The following CCDC60 variants were observed in gnomAD, a reference collection of about 807,000 sequenced individuals.
The protein encoded by CCDC60 is coiled-coil domain containing 60.
In CCDC60, 54 loss-of-function variants were observed where a neutral mutation model predicts 63.5. That is an observed-to-expected ratio of 0.85 (90% CI 0.68 to 1.07). The LOEUF is 1.07. CCDC60 is among the 50% of genes least tolerant of loss of function. CCDC60 has a pLI of 0.00. For missense variants in CCDC60, 651 were observed against 684.3 expected (o/e 0.95, Z 0.54); for synonymous variants, 206 against 238.8 (o/e 0.86, Z 1.27).
intron 1 of CCDC60, among the ~76,000 whole-genome samples, chr12:119,360,730 G>A (rs1592990438): frequency 1.3e-5 from 2 of 151,764 alleles, no homozygotes; most frequent in South Asian, 4.2e-4. Context: ...TTCCCAGATG[G>A]GATGGCAGCC....
At chr12:119,481,224 G>A (rs1164586213) in intron 4 of CCDC60, among the ~76,000 whole-genome samples, 1 of 152,140 alleles carries the variant, frequency 6.6e-6, no homozygotes, top group Non-Finnish European at 1.5e-5. Context: ...TAATATTCCA[G>A]CTGGCAGCCT....
chr12:119,358,427 C>T (rs1955740223), intron 1 of CCDC60, among the ~76,000 whole-genome samples: 1 of 152,132 alleles, frequency 6.6e-6, no homozygotes, highest in Non-Finnish European at 1.5e-5. Context: ...AGAAGGTTCC[C>T]ACAAGATGCC....
intron 2 of CCDC60, among the ~76,000 whole-genome samples, chr12:119,432,938 G>C (rs947845422): frequency 6.6e-6 from 1 of 152,132 alleles, no homozygotes; most frequent in Non-Finnish European, 1.5e-5. Flanking sequence ...TATACAGTTT[G>C]CTAATCTCTA....
At chr12:119,426,139 A>G (rs945273397) in intron 1 of CCDC60, among the ~76,000 whole-genome samples, 1 of 152,124 alleles carries the variant, frequency 6.6e-6, no homozygotes, top group Non-Finnish European at 1.5e-5. Context: ...TCTGCCATCA[A>G]TTTCCAGCCA....
chr12:119,338,899 C>G (rs1235492646), intron 1 of CCDC60, among the ~76,000 whole-genome samples: 1 of 152,162 alleles, frequency 6.6e-6, no homozygotes, highest in Non-Finnish European at 1.5e-5. Flanking sequence ...GGTCTCGAAG[C>G]CCTCTGAACT....
At chr12:119,530,781 C>A in intron 12 of CCDC60, 93 bp from the exon 13 acceptor site, 1 of 1,069,454 alleles carries the variant, frequency 9.4e-7, no homozygotes, top group Non-Finnish European at 1.4e-6. Flanking sequence ...GGAGACATCA[C>A]AGAGAGCAGA....
rs772383306 is a variant in CCDC60 at position 119,428,750 on chromosome 12, T to G, written c.158T>G (p.Leu53Arg). The G allele has an allele frequency of 1.3e-6, 2 of 1,598,520 alleles. No individual in the cohort carries two copies. Among genetic ancestry groups the G allele is most frequent in the Non-Finnish European group, 1.7e-6 (2 of 1,169,794 alleles). ...GAAATAATAAACCTCAAAAAGGACC[T>G]TATACGAAGCCGGTGAGTGAGCCCA... ...DKEIINLKKD[L>R]IRSRFLIQSV... Residue 53 changes from leucine (L) to arginine (R), a missense_variant, in exon 2 of 14, where the codon CTT (leucine) becomes CGT (arginine). Leu to Arg is a moderately radical substitution (Grantham distance 102). Transcript: ENST00000327554.
Position 119,504,998 on chromosome 12 carries a change from C to T in CCDC60, c.649-71C>T, listed in dbSNP as rs899936630. The stretch of plus-strand genomic sequence containing the variant: ...CTGTCCCTCCCCACCTTCCTCCTTC[C>T]CTCCTTTCTTTCTTTCTTCCATCTT... On this transcript the variant is annotated intron_variant, in intron 6 of 13. Transcript: ENST00000327554. The T allele has an allele frequency of 3.3e-6, 4 of 1,205,378 alleles. No homozygotes were observed. The African/African-American group carries it at 4.5e-5, about 14-fold the overall frequency. The allele number at this position is 1,205,378 out of a possible 1,614,324, so 74.7% of individuals were successfully genotyped here.
At chr12:119,378,278 T>C (rs1334736126) in intron 1 of CCDC60, among the ~76,000 whole-genome samples, 1 of 152,216 alleles carries the variant, frequency 6.6e-6, no homozygotes, top group African/African-American at 2.4e-5. Flanking sequence ...GGCCCTCAGG[T>C]AGCCTTTTCC....
chr12:119,432,738 T>C (rs936512112), intron 2 of CCDC60, among the ~76,000 whole-genome samples: 3 of 152,228 alleles, frequency 2.0e-5, no homozygotes, highest in African/African-American at 7.2e-5. Context: ...GGAAAATTAT[T>C]GAACCAATTA....
rs1175109118 is a variant in CCDC60 at position 119,429,600 on chromosome 12, AC to A, written c.170+841del. On this transcript the variant is annotated intron_variant, in intron 2 of 13. Coordinates refer to ENST00000327554, the MANE Select transcript of CCDC60 (RefSeq NM_178499.5). ...GATGCAGTGAGAGGCAAAGTGAGACACCCTCTCCCTTCACCTCCATCTTCTG... is the reference window on the plus strand; with the variant it reads ...GATGCAGTGAGAGGCAAAGTGAGACACCTCTCCCTTCACCTCCATCTTCTG... The A allele has an allele frequency of 4.6e-5, 7 of 152,112 alleles. No homozygotes were observed. In the East Asian group the frequency reaches 7.7e-4, roughly 17 times the overall value. 9.4% of individuals were successfully genotyped at this position (152,112 alleles called of 1,614,324 possible).
At chr12:119,498,881 T>C (rs1429680817) in intron 5 of CCDC60, among the ~76,000 whole-genome samples, 1 of 152,166 alleles carries the variant, frequency 6.6e-6, no homozygotes, top group Non-Finnish European at 1.5e-5. Context: ...AGAGACCCAC[T>C]TCCCCATAGC....
chr12:119,394,353 G>C (rs1420707874), intron 1 of CCDC60, among the ~76,000 whole-genome samples: 1 of 152,112 alleles, frequency 6.6e-6, no homozygotes, highest in African/African-American at 2.4e-5. Flanking sequence ...CTTCTTAAAA[G>C]CATTTTCCCT....
intron 8 of CCDC60, 65 bp from the exon 9 acceptor site, chr12:119,520,056 T>C (rs708884): frequency 0.3 from 415,671 of 1,371,100 alleles, 65,419 homozygotes; most frequent in African/African-American, 0.44. Flanking sequence ...TCCTCCCACA[T>C]GTAGTTACTG....
At chr12:119,365,051 A>G (rs111725861) in intron 1 of CCDC60, among the ~76,000 whole-genome samples, 112 of 152,328 alleles carry the variant, frequency 7.4e-4, no homozygotes, top group Middle Eastern at 3.4e-3. Context: ...TCTTAAAAAT[A>G]TTGTTCCATT....
At chr12:119,516,536 C>T in intron 7 of CCDC60, 87 bp from the exon 8 acceptor site, 1 of 848,756 alleles carries the variant, frequency 1.2e-6, no homozygotes, top group East Asian at 2.5e-5. Flanking sequence ...CAGAGGTGAC[C>T]CCAGTTTGGG....
At chr12:119,518,759 C>A (rs1048819206) in intron 8 of CCDC60, among the ~76,000 whole-genome samples, 1 of 152,054 alleles carries the variant, frequency 6.6e-6, no homozygotes, top group African/African-American at 2.4e-5. Flanking sequence ...TTATCTCACA[C>A]ATGTTGCCCC....
rs764338861 is a variant in CCDC60 at position 119,505,155 on chromosome 12, T to TG, written c.741dup (p.Ser248ValfsTer16). On this transcript the variant is annotated frameshift_variant, in exon 7 of 14. Transcript: ENST00000327554. LOFTEE classifies it high-confidence loss of function. ...CCACACTCAGTCTGAGTCGGGCCAGTGGGGGGTCCTCTCCCCAGAGCAGCA... is the reference window on the plus strand; with the variant it reads ...CCACACTCAGTCTGAGTCGGGCCAGTGGGGGGGTCCTCTCCCCAGAGCAGCA... 5.4e-5 allele frequency: 87 copies of TG among 1,613,942 alleles called. No homozygotes were observed. The highest frequency in any genetic ancestry group is 6.9e-5 in the Non-Finnish European group (81 of 1,180,026).
chr12:119,421,177 G>C, intron 1 of CCDC60, among the ~76,000 whole-genome samples: 1 of 152,094 alleles, frequency 6.6e-6, no homozygotes, highest in East Asian at 1.9e-4. Context: ...TAACAAAGAT[G>C]AGTTCAGAAC....
Sources: gnomAD v4.1 joint callset for allele counts (sites outside exome capture counted in the v4.1 genomes callset) on GRCh38, gnomAD v4.1.1 for gene constraint, MANE v1.5 for transcripts, NCBI Gene and HGNC (gene_info 2026-07-23, HGNC 2026-07-21) for gene names.